TOPAZ1: variants seen among roughly 807,000 people sequenced by gnomAD.
TOPAZ1 encodes the protein testis and ovary specific TOPAZ 1, also known as protein TOPAZ1.
Under a neutral mutation model 172.2 loss-of-function variants are expected in TOPAZ1, and 66 were observed. That is an observed-to-expected ratio of 0.38 (90% CI 0.31 to 0.47). TOPAZ1 has a LOEUF of 0.47. Among genes scored for constraint, TOPAZ1 ranks in the 20% least tolerant of loss-of-function variants. The probability of loss-of-function intolerance (pLI) is 0.99; values close to 1 mark genes in which losing one functional copy is unlikely to be tolerated. For missense variants in TOPAZ1, 1,822 were observed against 1,972.4 expected (o/e 0.92, Z 1.44); for synonymous variants, 681 against 683.9 (o/e 1.00, Z 0.07).
intron 14 of TOPAZ1, among the ~76,000 whole-genome samples, chr3:44,305,632 A>G (rs1056074807): frequency 2.0e-5 from 3 of 152,106 alleles, no homozygotes; most frequent in Non-Finnish European, 4.4e-5. Flanking sequence ...AGCCTCTCAA[A>G]GCACTGGTAT....
intron 16 of TOPAZ1, among the ~76,000 whole-genome samples, chr3:44,312,449 C>T (rs1700407485): frequency 6.6e-6 from 1 of 152,064 alleles, no homozygotes; most frequent in South Asian, 2.1e-4. Context: ...ATATATTTTT[C>T]CTTTTTAAAA....
At chr3:44,294,239 C>A (rs1252081390) in intron 12 of TOPAZ1, among the ~76,000 whole-genome samples, 8 of 145,944 alleles carry the variant, frequency 5.5e-5, no homozygotes, top group Admixed American at 6.9e-5. Context: ...GACTCTGTCT[C>A]AAAAAAAAAA....
chr3:44,255,670 T>TATATACACAC (rs1202865847), intron 3 of TOPAZ1, among the ~76,000 whole-genome samples: 3 of 46,376 alleles, frequency 6.5e-5, no homozygotes, highest in African/African-American at 2.1e-4. Context: ...AAAATATATA[T>TATATACACAC]ACACACACAC....
chr3:44,307,423 G>A (rs1037158506), intron 15 of TOPAZ1, among the ~76,000 whole-genome samples: 3 of 152,066 alleles, frequency 2.0e-5, no homozygotes, highest in Non-Finnish European at 2.9e-5. Context: ...CATATATCTT[G>A]ATGTCTAACT....
chr3:44,331,223 T>G (rs560016127), intron 19 of TOPAZ1, among the ~76,000 whole-genome samples: 31 of 152,196 alleles, frequency 2.0e-4, no homozygotes, highest in Non-Finnish European at 3.2e-4. Flanking sequence ...CAATTTAGGG[T>G]GTTACAACCA....
chr3:44,256,335 TAAATCCA>T, intron 4 of TOPAZ1, 57 bp downstream of exon 4: 1 of 1,460,186 alleles, frequency 6.8e-7, no homozygotes, highest in Non-Finnish European at 9.1e-7. Flanking sequence ...TGGTAATGCA[TAAATCCA>T]TCTTAACAGT....
At chr3:44,316,006 A>G (rs905418245) in intron 16 of TOPAZ1, among the ~76,000 whole-genome samples, 2 of 152,062 alleles carry the variant, frequency 1.3e-5, no homozygotes, top group Admixed American at 6.6e-5. Context: ...AGGCCGAGGC[A>G]GTTGGATCAT....
At chr3:44,329,425 G>A (rs1159759092) in intron 19 of TOPAZ1, among the ~76,000 whole-genome samples, 2 of 152,188 alleles carry the variant, frequency 1.3e-5, no homozygotes, top group Non-Finnish European at 2.9e-5. Context: ...CTCTCCATAG[G>A]TTGGTTAAGT....
intron 16 of TOPAZ1, among the ~76,000 whole-genome samples, chr3:44,312,414 A>G (rs1700406923): frequency 6.6e-6 from 1 of 152,216 alleles, no homozygotes; most frequent in East Asian, 1.9e-4. Context: ...TGCTTGGAGG[A>G]CAGAGTAGCA....
At chr3:44,285,452 GC>G (rs1356968058) in intron 9 of TOPAZ1, among the ~76,000 whole-genome samples, 2 of 152,102 alleles carry the variant, frequency 1.3e-5, no homozygotes, top group African/African-American at 4.8e-5. Flanking sequence ...GGGTGACAGA[GC>G]AAGACCGTGT....
intron 16 of TOPAZ1, 39 bp downstream of exon 16, chr3:44,310,029 T>C (rs900709363): frequency 6.7e-7 from 1 of 1,503,730 alleles, no homozygotes; most frequent in African/African-American, 1.4e-5. Flanking sequence ...TAATTCGTTA[T>C]ACTTGTCATG....
At chr3:44,317,094 A>C (rs887981574) in intron 16 of TOPAZ1, among the ~76,000 whole-genome samples, 5 of 152,198 alleles carry the variant, frequency 3.3e-5, no homozygotes, top group Admixed American at 3.3e-4. Flanking sequence ...GTTTTAATAC[A>C]GTTCTGTAGG....
chr3:44,308,389 A>G (rs1208832868), intron 15 of TOPAZ1, among the ~76,000 whole-genome samples: 1 of 149,758 alleles, frequency 6.7e-6, no homozygotes, highest in East Asian at 2.0e-4. Flanking sequence ...TTGGTTTTCT[A>G]TCCTTGCGAT....
chr3:44,281,757 C>A (rs1030591682), intron 8 of TOPAZ1, among the ~76,000 whole-genome samples: 4 of 152,162 alleles, frequency 2.6e-5, no homozygotes, highest in African/African-American at 9.7e-5. Context: ...CTTGCACCAG[C>A]AAATGGTTAT....
Position 44,290,769 on chromosome 3 carries a change from A to G in TOPAZ1, c.3682-2A>G, listed in dbSNP as rs1374947439. The G allele has an allele frequency of 4.6e-6, 7 of 1,536,122 alleles. No individual in the cohort carries two copies. The highest frequency in any genetic ancestry group is 6.2e-6 in the Non-Finnish European group (7 of 1,137,680). On this transcript the variant is annotated splice_acceptor_variant, in intron 11 of 19. Transcript: ENST00000309765. LOFTEE classifies it high-confidence loss of function. ...AACCACTCTTTCTTTTCTCTTCTAC[A>G]GCTTGTTGAAGCCGGGATGGTGCTT...
chr3:44,321,136 T>G lies in TOPAZ1; in HGVS notation c.4416T>G (p.Leu1472=), dbSNP rs762685936. The part of the protein sequence containing the change: ...TIAHEILAKS[L]YRQTFEVLQN... Reference sequence around the variant, plus strand: ...CACATGAAATCTTAGCCAAGAGCCTTTATAGACAGACATTTGAAGTTTTGC... The same window carrying G: ...CACATGAAATCTTAGCCAAGAGCCTGTATAGACAGACATTTGAAGTTTTGC... Residue 1472 remains leucine (L), a synonymous_variant, in exon 17 of 20, where the codon CTT becomes CTG. Transcript: ENST00000309765. 6.5e-7 allele frequency: 1 copy of G among 1,549,872 alleles called. No homozygotes were observed.
chr3:44,297,966 G>T (rs1319613344), intron 12 of TOPAZ1, among the ~76,000 whole-genome samples: 4 of 152,130 alleles, frequency 2.6e-5, no homozygotes, highest in African/African-American at 9.7e-5. Flanking sequence ...GCTGATAAAA[G>T]AAATTGAAAG....
In TOPAZ1 at chr3:44,244,656, T is replaced by G; in HGVS notation, c.2150T>G (p.Leu717Arg). The change falls in exon 2 of 20, where the codon CTT becomes CGT. Residue 717 changes from leucine to arginine, a missense_variant. Physicochemically the swap from Leu to Arg is moderately radical, Grantham distance 102. This residue lies in a region of TOPAZ1 where 1,489 missense variants were observed against 1,490.8 expected (regional missense o/e 1.00). Transcript: ENST00000309765. Reference sequence around the variant, plus strand: ...AGAGAAGCTTACAGTCCTCTAGAACTTCTGGACAATTTATCTGGAGCAGAC... The same window carrying G: ...AGAGAAGCTTACAGTCCTCTAGAACGTCTGGACAATTTATCTGGAGCAGAC... ...SEREAYSPLE[L>R]LDNLSGADVR... 1 of 1,551,342 alleles carries G rather than the reference T, an allele frequency of 6.4e-7. No homozygotes were observed. Among genetic ancestry groups the G allele is most frequent in the East Asian group, 2.4e-5 (1 of 40,904 alleles).
At chr3:44,245,419 C>T (rs1273143855) in intron 2 of TOPAZ1, 148 bp downstream of exon 2, 2 of 727,706 alleles carry the variant, frequency 2.7e-6, no homozygotes, top group African/African-American at 3.6e-5. Flanking sequence ...ATTATTACTG[C>T]TGATACCTGG....
Sources: allele counts gnomAD v4.1 joint callset (sites outside exome capture counted in the v4.1 genomes callset), GRCh38; gene constraint gnomAD v4.1.1; regional missense constraint gnomAD v4.1.1; transcripts MANE v1.5; gene names NCBI Gene and HGNC (gene_info 2026-07-23, HGNC 2026-07-21).